AOAH: variants seen among roughly 807,000 people sequenced by gnomAD.
AOAH encodes acyloxyacyl hydrolase.
Under a neutral mutation model 92.2 loss-of-function variants are expected in AOAH, and 64 were observed. That is an observed-to-expected ratio of 0.69 (90% CI 0.57 to 0.86). The LOEUF (loss-of-function observed/expected upper bound fraction) is 0.86, where lower values mean the gene tolerates loss of function less well. Among genes scored for constraint, AOAH ranks in the 40% least tolerant of loss-of-function variants. The pLI is 0.00. For missense variants in AOAH, 656 were observed against 694.6 expected, an observed-to-expected ratio of 0.94 and a Z score of 0.62; for synonymous variants, 263 against 254.5, an observed-to-expected ratio of 1.03 and a Z score of -0.32.
chr7:36,624,840 C>T (rs895237875), intron 6 of AOAH, among the ~76,000 whole-genome samples: 3 of 152,220 alleles, frequency 2.0e-5, no homozygotes, highest in Non-Finnish European at 4.4e-5. Flanking sequence ...CCTGAGAACA[C>T]CAACTCCTCC....
intron 11 of AOAH, chr7:36,594,806 A>G (rs1789991041): frequency 3.3e-6 from 1 of 298,834 alleles, no homozygotes; most frequent in Non-Finnish European, 6.5e-6. Flanking sequence ...AATCTGAAAA[A>G]TAATGCCTAA....
At chr7:36,530,609 C>T (rs1784638698) in intron 18 of AOAH, 95 bp from the exon 19 acceptor site, 4 of 768,762 alleles carry the variant, frequency 5.2e-6, no homozygotes, top group Admixed American at 2.3e-5. Flanking sequence ...TCTTCCCCAT[C>T]CTACTCTACT....
At chr7:36,712,881 C>T (rs1239163286) in intron 1 of AOAH, among the ~76,000 whole-genome samples, 1 of 152,154 alleles carries the variant, frequency 6.6e-6, no homozygotes, top group African/African-American at 2.4e-5. Flanking sequence ...AAAAACATGA[C>T]AAATTTTAAA....
At chr7:36,561,663 C>T (rs1583823872) in intron 13 of AOAH, among the ~76,000 whole-genome samples, 1 of 152,174 alleles carries the variant, frequency 6.6e-6, no homozygotes, top group Non-Finnish European at 1.5e-5. Flanking sequence ...GTTTAATTCT[C>T]ATTCTTTTAT....
chr7:36,635,012 A>G (rs955294178), intron 5 of AOAH, among the ~76,000 whole-genome samples: 7 of 152,252 alleles, frequency 4.6e-5, no homozygotes, highest in East Asian at 1.9e-4. Flanking sequence ...GGTTTTGATT[A>G]TCTGGTCTTT....
chr7:36,684,891 ACT>A (rs1796872257), intron 2 of AOAH, among the ~76,000 whole-genome samples: 1 of 117,694 alleles, frequency 8.5e-6, no homozygotes, highest in African/African-American at 3.3e-5. Flanking sequence ...TGGGCGACAG[ACT>A]GAGACCTTGT....
At chr7:36,695,377 C>T (rs1176857335) in intron 1 of AOAH, among the ~76,000 whole-genome samples, 2 of 152,082 alleles carry the variant, frequency 1.3e-5, no homozygotes, top group Non-Finnish European at 2.9e-5. Flanking sequence ...TACCTTAATA[C>T]TTTTTGGAAC....
In AOAH at chr7:36,517,230, C is replaced by CTTTCTTTCTG. The variant is rs1205876365; in HGVS notation, c.1600-3851_1600-3850insCAGAAAGAAA. ...TCTTTCTTTCTCTTTCTTTCTGTCT[C>CTTTCTTTCTG]TCTCTCTCTCTCTCTTTCTTTCTGT... On this transcript the variant is annotated intron_variant, in intron 20 of 20. Coordinates refer to ENST00000617537, the MANE Select transcript of AOAH (RefSeq NM_001637.4). 1.9e-3 allele frequency among the ~76,000 whole-genome samples: 156 copies of CTTTCTTTCTG among 83,168 alleles called. 3 individuals are homozygous for CTTTCTTTCTG. Among genetic ancestry groups the CTTTCTTTCTG allele is most frequent in the African/African-American group, 6.0e-3 (116 of 19,250 alleles). The allele number at this position is 83,168 out of a possible 152,430, so 54.6% of individuals were successfully genotyped here.
At chr7:36,522,923 TA>T (rs1784179404) in intron 19 of AOAH, among the ~76,000 whole-genome samples, 1 of 152,166 alleles carries the variant, frequency 6.6e-6, no homozygotes, top group Admixed American at 6.5e-5. Flanking sequence ...CTCAAGAACA[TA>T]GGTCTGTGAC....
intron 1 of AOAH, among the ~76,000 whole-genome samples, chr7:36,717,013 TAAATAAAA>T (rs1232785487): frequency 6.4e-5 from 8 of 124,514 alleles, no homozygotes; most frequent in African/African-American, 9.0e-5. Flanking sequence ...AATAAATAAA[TAAATAAAA>T]AAGCATAGTC....
chr7:36,639,452 G>T (rs190388859), intron 4 of AOAH, among the ~76,000 whole-genome samples: 3 of 152,182 alleles, frequency 2.0e-5, no homozygotes, highest in East Asian at 3.9e-4. Flanking sequence ...TCAGAGCCTC[G>T]CACAGTCCTT....
intron 15 of AOAH, among the ~76,000 whole-genome samples, 153 bp downstream of exon 15, chr7:36,548,456 GATT>G (rs1448435749): frequency 5.9e-5 from 9 of 152,172 alleles, no homozygotes; most frequent in African/African-American, 2.2e-4. Flanking sequence ...AAAGTGCTGG[GATT>G]ATAGGTGTGA....
intron 13 of AOAH, among the ~76,000 whole-genome samples, chr7:36,562,188 G>A (rs546752347): frequency 6.6e-6 from 1 of 151,962 alleles, no homozygotes; most frequent in Non-Finnish European, 1.5e-5. Context: ...CTGTTGTTTT[G>A]TTATCCTTTT....
intron 11 of AOAH, among the ~76,000 whole-genome samples, chr7:36,615,317 G>A (rs1401393763): frequency 6.6e-6 from 1 of 152,132 alleles, no homozygotes; most frequent in Non-Finnish European, 1.5e-5. Context: ...TAGCAAATAA[G>A]AAAATACCAT....
At chr7:36,722,912 T>G (rs1380203676) in intron 1 of AOAH, among the ~76,000 whole-genome samples, 1 of 115,696 alleles carries the variant, frequency 8.6e-6, no homozygotes, top group Non-Finnish European at 1.6e-5. Flanking sequence ...CCAGCCCAGG[T>G]GACAGTGCGA....
At chr7:36,686,871 CGTGTGTGTGTGTGT>C (rs35260531) in intron 1 of AOAH, 77 bp from the exon 2 acceptor site, 4 of 519,322 alleles carry the variant, frequency 7.7e-6, no homozygotes, top group East Asian at 3.4e-5. Flanking sequence ...AGAAAGGATG[CGTGTGTGTGTGTGT>C]GTGTGTGTGT....
chr7:36,532,403 C>T, intron 16 of AOAH, 59 bp from the exon 17 acceptor site: 1 of 1,518,304 alleles, frequency 6.6e-7, no homozygotes, highest in Non-Finnish European at 9.1e-7. Flanking sequence ...CATTTAGAGG[C>T]ACCTGGGGGC....
chr7:36,545,337 A>G (rs975650179), intron 15 of AOAH, among the ~76,000 whole-genome samples: 2 of 152,196 alleles, frequency 1.3e-5, no homozygotes, highest in Admixed American at 6.5e-5. Flanking sequence ...TTTGCTACCC[A>G]TGTCTCTCAC....
intron 15 of AOAH, among the ~76,000 whole-genome samples, chr7:36,543,947 CTTTTT>C (rs1219471100): frequency 2.2e-5 from 2 of 91,008 alleles, no homozygotes; most frequent in Admixed American, 1.6e-4. Context: ...TTCTTTCTTT[CTTTTT>C]TTTTTTTTTT....
Sources: allele counts gnomAD v4.1 joint callset (sites outside exome capture counted in the v4.1 genomes callset), GRCh38; gene constraint gnomAD v4.1.1; transcripts MANE v1.5; gene names NCBI Gene and HGNC (gene_info 2026-07-23, HGNC 2026-07-21).